Variants in CDIN1 observed in about 807,000 individuals in gnomAD.
The protein encoded by CDIN1 is CDAN1-interacting nuclease 1.
CDIN1 carries 33 observed loss-of-function variants against 45.3 expected under a neutral mutation model. The observed-to-expected ratio is 0.73, with a 90% CI of 0.55 to 0.97. The LOEUF is 0.97. Ranked by LOEUF, CDIN1 falls within the 50% of genes least tolerant of loss-of-function variation. The pLI is 0.00. For synonymous variants in CDIN1, 118 were observed against 124.4 expected, an observed-to-expected ratio of 0.95 and a Z score of 0.34; for missense variants, 303 against 339.4, an observed-to-expected ratio of 0.89 and a Z score of 0.84.
intron 10 of CDIN1, among the ~76,000 whole-genome samples, chr15:36,735,156 G>A (rs16963971): frequency 0.036 from 5,530 of 152,204 alleles, 356 homozygotes; most frequent in African/African-American, 0.13. Flanking sequence ...ATGCCTCTGT[G>A]TGATAATGAG....
intron 1 of CDIN1, among the ~76,000 whole-genome samples, chr15:36,599,107 CTTTT>C (rs10709743): frequency 6.0e-5 from 8 of 133,938 alleles, no homozygotes; most frequent in African/African-American, 1.9e-4. Flanking sequence ...AGCATACTTG[CTTTT>C]TTTTTTTTTT....
At chr15:36,619,469 T>TTCTTTCTA (rs2039050079) in intron 1 of CDIN1, among the ~76,000 whole-genome samples, 2 of 147,054 alleles carry the variant, frequency 1.4e-5, no homozygotes, top group South Asian at 2.2e-4. Context: ...GCTGGAGGAT[T>TTCTTTCTA]TCTATCTATC....
chr15:36,668,957 A>G lies in CDIN1; in HGVS notation c.346+11052A>G, dbSNP rs995834576. On this transcript the variant is annotated intron_variant, in intron 5 of 10. Transcript: ENST00000566621. The stretch of plus-strand genomic sequence containing the variant: ...ATGATTTTTATAGTAATAGGCAGTA[A>G]TATTCCAACAAATACTTACACTTGA... 61 of 152,142 alleles carry G rather than the reference A, an allele frequency of 4.0e-4. 1 individual carries two copies. Among genetic ancestry groups the G allele is most frequent in the Admixed American group, 3.2e-3 (49 of 15,272 alleles). The allele number at this position is 152,142 out of a possible 1,614,324, so 9.4% of individuals were successfully genotyped here. A position where few individuals can be genotyped will look rare whatever the true frequency, so the allele number is the denominator to read the frequency against.
At position 36,792,034 on chromosome 15, in the gene CDIN1, A is replaced by G. The variant is rs577339983; in HGVS notation, c.717-16290A>G. Reference sequence around the variant, plus strand: ...CACGCAGGGACCTCAGTCTAACCTCATGCAATAGCTTGTCTTATGTCACCC... The same window carrying G: ...CACGCAGGGACCTCAGTCTAACCTCGTGCAATAGCTTGTCTTATGTCACCC... On this transcript the variant is annotated intron_variant, in intron 10 of 10. Transcript: ENST00000566621. Among the ~76,000 whole-genome samples, 4 of 152,330 alleles carry G rather than the reference A, an allele frequency of 2.6e-5. No individual in the cohort carries two copies. In the East Asian group the frequency reaches 5.8e-4, roughly 22 times the overall value.
chr15:36,808,586 C>A lies in CDIN1; in HGVS notation c.*133C>A. The A allele has an allele frequency of 8.4e-7, 1 of 1,196,804 alleles. No homozygotes were observed. The highest frequency in any genetic ancestry group is 1.2e-6 in the Non-Finnish European group (1 of 859,560). The allele number at this position is 1,196,804 out of a possible 1,614,324, so 74.1% of individuals were successfully genotyped here. A position where few individuals can be genotyped will look rare whatever the true frequency, so the allele number is the denominator to read the frequency against. On this transcript the variant is annotated 3_prime_UTR_variant, in exon 11 of 11. Transcript: ENST00000566621. The stretch of plus-strand genomic sequence containing the variant: ...ACTCTTGCTGCCCGTAGTCACACCA[C>A]TACCTCTTTAGACAAACATATCAAG...
At chr15:36,613,465 G>A (rs2059663018) in intron 1 of CDIN1, 2 of 1,547,338 alleles carry the variant, frequency 1.3e-6, no homozygotes, top group South Asian at 2.2e-5. Flanking sequence ...GTAGCTAGGT[G>A]GGCACCATGG....
chr15:36,770,602 CCA>C (rs1011443667), intron 10 of CDIN1, among the ~76,000 whole-genome samples: 1 of 152,110 alleles, frequency 6.6e-6, no homozygotes, highest in African/African-American at 2.4e-5. Context: ...GCACACACCA[CCA>C]CACCCAGCTA....
chr15:36,586,182 T>C (rs907125455), intron 1 of CDIN1, among the ~76,000 whole-genome samples: 3 of 143,786 alleles, frequency 2.1e-5, no homozygotes, highest in African/African-American at 7.9e-5. Context: ...TGGTGTGGGT[T>C]TACCTTTGAG....
At position 36,692,316 on chromosome 15, in the gene CDIN1, G is replaced by A. The variant is rs2042287171; in HGVS notation, c.476+141G>A. The A allele has an allele frequency of 8.1e-6, 6 of 739,804 alleles. No homozygotes were observed. In the South Asian group the frequency reaches 9.9e-5, roughly 12 times the overall value. 45.8% of individuals were successfully genotyped at this position (739,804 alleles called of 1,614,324 possible). Reference sequence around the variant, plus strand: ...CTATTTTACATTCAATCAACTGGAGGGTCACTACAGACCATTCTTTTCTAC... The same window carrying A: ...CTATTTTACATTCAATCAACTGGAGAGTCACTACAGACCATTCTTTTCTAC... On this transcript the variant is annotated intron_variant, in intron 7 of 10. Coordinates refer to ENST00000566621, the MANE Select transcript of CDIN1 (RefSeq NM_001321759.2).
At chr15:36,793,889 G>A (rs930376446) in intron 10 of CDIN1, among the ~76,000 whole-genome samples, 7 of 151,860 alleles carry the variant, frequency 4.6e-5, no homozygotes, top group South Asian at 4.2e-4. Context: ...TGCAAGTGCC[G>A]TGCCCAACAG....
At chr15:36,755,029 TTTTC>T (rs1202761410) in intron 10 of CDIN1, among the ~76,000 whole-genome samples, 2 of 152,180 alleles carry the variant, frequency 1.3e-5, no homozygotes, top group African/African-American at 2.4e-5. Context: ...ATCTTCACGT[TTTTC>T]TTTCTTTATC....
chr15:36,713,026 CT>C (rs2043109266), intron 10 of CDIN1, among the ~76,000 whole-genome samples: 1 of 152,144 alleles, frequency 6.6e-6, no homozygotes, highest in Non-Finnish European at 1.5e-5. Flanking sequence ...GCATCTATTA[CT>C]AAGTATACTT....
chr15:36,732,387 CAA>C (rs5811932), intron 10 of CDIN1, among the ~76,000 whole-genome samples: 1 of 148,450 alleles, frequency 6.7e-6, no homozygotes, highest in African/African-American at 2.5e-5. Context: ...CATCAGACTA[CAA>C]AAAAAAAATC....
At chr15:36,609,109 C>A (rs1324011313) in intron 1 of CDIN1, among the ~76,000 whole-genome samples, 1 of 152,168 alleles carries the variant, frequency 6.6e-6, no homozygotes, top group Non-Finnish European at 1.5e-5. Context: ...CTCACACGCT[C>A]CGGTGATGCT....
chr15:36,605,764 T>A (rs2038336280), intron 1 of CDIN1, among the ~76,000 whole-genome samples: 1 of 152,214 alleles, frequency 6.6e-6, no homozygotes, highest in Non-Finnish European at 1.5e-5. Context: ...AAATTTGGTA[T>A]CTTAAAGAGT....
At chr15:36,748,927 G>A (rs575367830) in intron 10 of CDIN1, among the ~76,000 whole-genome samples, 1 of 152,096 alleles carries the variant, frequency 6.6e-6, no homozygotes, top group Admixed American at 6.5e-5. Flanking sequence ...AACCTTCTCC[G>A]GCATGTATCA....
chr15:36,652,740 C>T (rs1486374116), intron 3 of CDIN1, among the ~76,000 whole-genome samples: 31 of 152,190 alleles, frequency 2.0e-4, no homozygotes, highest in Non-Finnish European at 8.8e-5. Flanking sequence ...TTCTCCCCAC[C>T]TTAAATAATT....
At chr15:36,677,248 G>A (rs533145920) in intron 5 of CDIN1, among the ~76,000 whole-genome samples, 1 of 151,926 alleles carries the variant, frequency 6.6e-6, no homozygotes, top group Admixed American at 6.6e-5. Flanking sequence ...ATTCTCAAAG[G>A]GGGTGAGATT....
intron 1 of CDIN1, among the ~76,000 whole-genome samples, chr15:36,639,405 G>A (rs1304350372): frequency 6.6e-6 from 1 of 152,180 alleles, no homozygotes; most frequent in Non-Finnish European, 1.5e-5. Flanking sequence ...AGGAATTCAA[G>A]ACCAGCCTGG....
Sources: allele counts gnomAD v4.1 joint callset (sites outside exome capture counted in the v4.1 genomes callset), GRCh38; gene constraint gnomAD v4.1.1; transcripts MANE v1.5; gene names NCBI Gene and HGNC (gene_info 2026-07-23, HGNC 2026-07-21).